C1orf87: variants seen among roughly 807,000 people sequenced by gnomAD.
C1orf87 encodes chromosome 1 open reading frame 87.
C1orf87 carries 58 observed loss-of-function variants against 60.5 expected under a neutral mutation model. The ratio of observed to expected loss-of-function variants is 0.96; its 90% confidence interval spans 0.78 to 1.19. C1orf87 has a LOEUF of 1.19. C1orf87 is among the 50% of genes most tolerant of loss of function. The pLI, the probability that C1orf87 is intolerant of heterozygous loss-of-function variation, is 0.00. For synonymous variants in C1orf87, 236 were observed against 227.4 expected, an observed-to-expected ratio of 1.04 and a Z score of -0.34; for missense variants, 673 against 638.6, an observed-to-expected ratio of 1.05 and a Z score of -0.58.
chr1:60,062,948 A>G (rs1645507106), intron 2 of C1orf87, among the ~76,000 whole-genome samples: 1 of 152,156 alleles, frequency 6.6e-6, no homozygotes, highest in Non-Finnish European at 1.5e-5. Context: ...GAACAACAGT[A>G]TATTATGCTT....
At chr1:60,026,738 G>T (rs1442999593) in intron 7 of C1orf87, among the ~76,000 whole-genome samples, 2 of 152,142 alleles carry the variant, frequency 1.3e-5, no homozygotes, top group Non-Finnish European at 2.9e-5. Context: ...TAGCTATTTA[G>T]TCCAAACATA....
chr1:60,066,242 C>T (rs888138845), intron 2 of C1orf87, among the ~76,000 whole-genome samples: 2 of 152,130 alleles, frequency 1.3e-5, no homozygotes, highest in Non-Finnish European at 2.9e-5. Flanking sequence ...CAAAAGATTT[C>T]TCTGTAACAT....
intron 9 of C1orf87, among the ~76,000 whole-genome samples, chr1:60,005,804 CTTT>C (rs36114324): frequency 1.5e-5 from 2 of 132,124 alleles, no homozygotes; most frequent in African/African-American, 2.8e-5. Flanking sequence ...TCTCAGCATT[CTTT>C]TTTTTTTTTT....
At chr1:60,018,464 G>T (rs546400478) in intron 8 of C1orf87, among the ~76,000 whole-genome samples, 2 of 151,968 alleles carry the variant, frequency 1.3e-5, no homozygotes, top group African/African-American at 4.8e-5. Flanking sequence ...TATTTGCTCC[G>T]CATTTTCTCT....
chr1:59,997,213 A>G (rs1042434786), intron 11 of C1orf87, among the ~76,000 whole-genome samples: 3 of 152,182 alleles, frequency 2.0e-5, no homozygotes, highest in African/African-American at 7.2e-5. Flanking sequence ...ATTACTGGGC[A>G]GGACGTGCTG....
At chr1:60,019,164 G>T (rs1420329902) in intron 8 of C1orf87, among the ~76,000 whole-genome samples, 1 of 152,194 alleles carries the variant, frequency 6.6e-6, no homozygotes, top group African/African-American at 2.4e-5. Flanking sequence ...CTGGTGGCAG[G>T]TGATTGGATC....
At chr1:60,055,464 GT>G (rs1557478054) in intron 2 of C1orf87, 26 bp from the exon 3 acceptor site, 1 of 1,596,890 alleles carries the variant, frequency 6.3e-7, no homozygotes, top group Non-Finnish European at 8.6e-7. Context: ...TGTATACTTT[GT>G]TACTTACAGG....
At chr1:60,015,808 G>C (rs1400435699) in intron 8 of C1orf87, among the ~76,000 whole-genome samples, 1 of 152,176 alleles carries the variant, frequency 6.6e-6, no homozygotes, top group Non-Finnish European at 1.5e-5. Flanking sequence ...CTGGAGTGCA[G>C]TGGCACGATC....
At chr1:60,024,242 A>C (rs1645183510) in intron 8 of C1orf87, among the ~76,000 whole-genome samples, 1 of 151,750 alleles carries the variant, frequency 6.6e-6, no homozygotes, top group African/African-American at 2.4e-5. Context: ...AAATTGGGGG[A>C]CTTTGTTCTT....
At chr1:60,014,894 A>C (rs1470443660) in intron 8 of C1orf87, among the ~76,000 whole-genome samples, 1 of 152,210 alleles carries the variant, frequency 6.6e-6, no homozygotes, top group East Asian at 1.9e-4. Flanking sequence ...GACATAGTAT[A>C]GAATATTGAT....
At chr1:60,065,221 G>A (rs937143151) in intron 2 of C1orf87, among the ~76,000 whole-genome samples, 2 of 150,686 alleles carry the variant, frequency 1.3e-5, no homozygotes, top group Non-Finnish European at 2.9e-5. Flanking sequence ...GAGAATGTCA[G>A]ATGCCCAATA....
chr1:60,001,673 G>C (rs748325757), intron 9 of C1orf87, among the ~76,000 whole-genome samples: 2 of 152,034 alleles, frequency 1.3e-5, no homozygotes, highest in African/African-American at 2.4e-5. Flanking sequence ...TGTAACTTAG[G>C]GAGTTGAAGG....
Position 59,990,495 on chromosome 1 carries a change from C to G in C1orf87, c.*178G>C. The G allele has an allele frequency of 1.6e-6, 1 of 627,112 alleles. No individual in the cohort carries two copies. Among genetic ancestry groups the G allele is most frequent in the Non-Finnish European group, 2.6e-6 (1 of 390,646 alleles). 38.8% of individuals were successfully genotyped at this position (627,112 alleles called of 1,614,324 possible). ...CTAGGTTTCCTCTGATCACTTTGAA[C>G]TGCTTATGAGTGAGCATCATAGCCA... On this transcript the variant is annotated 3_prime_UTR_variant, in exon 12 of 12. Transcript: ENST00000371201.
Position 59,990,698 on chromosome 1 carries a change from G to A in C1orf87, c.1616C>T (p.Ala539Val), listed in dbSNP as rs748270844. 4.3e-6 allele frequency: 7 copies of A among 1,613,870 alleles called. No individual in the cohort carries two copies. The East Asian group carries it at 1.6e-4, about 36-fold the overall frequency. Residue 539 changes from alanine (A) to valine (V), a missense_variant, in exon 12 of 12, where the codon GCA becomes GTA. Transcript: ENST00000371201. ...RSGENMLLEP[A>V]LRYLKEL ...TCATAGCTCCTTTAAGTACCGCAGT[G>A]CTGGCTCCAAGAGCATATTTTCTCC...
chr1:60,003,362 C>T (rs1325080710), intron 9 of C1orf87, among the ~76,000 whole-genome samples: 4 of 151,208 alleles, frequency 2.6e-5, no homozygotes, highest in Non-Finnish European at 4.4e-5. Flanking sequence ...AGGAGATATA[C>T]CTAATGATAG....
At chr1:60,055,955 A>C (rs1175501037) in intron 2 of C1orf87, among the ~76,000 whole-genome samples, 1 of 152,154 alleles carries the variant, frequency 6.6e-6, no homozygotes, top group East Asian at 1.9e-4. Context: ...TTAAAGGTTC[A>C]ACTTTGTTTA....
At chr1:60,061,702 G>T (rs1645497380) in intron 2 of C1orf87, among the ~76,000 whole-genome samples, 1 of 143,766 alleles carries the variant, frequency 7.0e-6, no homozygotes. Flanking sequence ...ACTTTGGGAG[G>T]CCTAGGTAAG....
At chr1:60,016,080 T>C (rs1645122322) in intron 8 of C1orf87, among the ~76,000 whole-genome samples, 1 of 152,152 alleles carries the variant, frequency 6.6e-6, no homozygotes, top group Non-Finnish European at 1.5e-5. Flanking sequence ...CCTCCAAATA[T>C]AGCCATATTC....
At chr1:60,071,959 G>A (rs1159976008) in intron 2 of C1orf87, among the ~76,000 whole-genome samples, 1 of 152,142 alleles carries the variant, frequency 6.6e-6, no homozygotes, top group Non-Finnish European at 1.5e-5. Context: ...GTAAGAAAGA[G>A]CTAGTCATAC....
Sources: gnomAD v4.1 joint callset for allele counts (sites outside exome capture counted in the v4.1 genomes callset) on GRCh38, gnomAD v4.1.1 for gene constraint, MANE v1.5 for transcripts, NCBI Gene and HGNC (gene_info 2026-07-23, HGNC 2026-07-21) for gene names.